The following NTN1 variants were observed in gnomAD, a reference collection of about 807,000 sequenced individuals.
The protein encoded by NTN1 is netrin 1.
Under a neutral mutation model 54.2 loss-of-function variants are expected in NTN1, and 11 were observed. The observed-to-expected ratio is 0.20, with a 90% CI of 0.13 to 0.34. NTN1 has a LOEUF of 0.34. NTN1 is among the 10% of genes least tolerant of loss of function. The pLI, the probability that NTN1 is intolerant of heterozygous loss-of-function variation, is 1.00. For synonymous variants in NTN1, 371 were observed against 382.0 expected (o/e 0.97, Z 0.33); for missense variants, 740 against 893.1 (o/e 0.83, Z 2.18).
rs555408234 is a variant in NTN1, at chr17:9,077,423, A to G, written c.1018+54032A>G. 2.0e-5 allele frequency among the ~76,000 whole-genome samples: 3 copies of G among 152,282 alleles called. 1 individual carries two copies. The East Asian group carries it at 5.8e-4, about 29-fold the overall frequency. On this transcript the variant is annotated intron_variant, in intron 2 of 6. Transcript: ENST00000173229. ...TGGCTGAGAATCAAAAGCCTTGGCTACCAATCCAGGCCATATACCATCAGC... is the reference window on the plus strand; with the variant it reads ...TGGCTGAGAATCAAAAGCCTTGGCTGCCAATCCAGGCCATATACCATCAGC...
At chr17:9,036,789 C>G (rs2091904911) in intron 2 of NTN1, among the ~76,000 whole-genome samples, 1 of 152,164 alleles carries the variant, frequency 6.6e-6, no homozygotes, top group Non-Finnish European at 1.5e-5. Context: ...ATTCCCTGCT[C>G]AACCAGAAGC....
intron 2 of NTN1, among the ~76,000 whole-genome samples, chr17:9,116,863 C>T (rs578117669): frequency 7.9e-5 from 12 of 152,230 alleles, no homozygotes; most frequent in African/African-American, 2.4e-4. Flanking sequence ...TATGAAAGGA[C>T]GAGTATGGGA....
intron 2 of NTN1, among the ~76,000 whole-genome samples, chr17:9,114,164 A>ATATATATATATATATATATATATATAT (rs1404097905): frequency 7.5e-5 from 6 of 80,486 alleles, no homozygotes; most frequent in Non-Finnish European, 1.4e-4. Flanking sequence ...AAAAAAAAAA[A>ATATATATATATATATATATATATATAT]AAATATATAT....
intron 5 of NTN1, among the ~76,000 whole-genome samples, chr17:9,195,705 G>A (rs548221587): frequency 6.6e-6 from 1 of 152,262 alleles, no homozygotes; most frequent in African/African-American, 2.4e-5. Flanking sequence ...CACCTGGCCT[G>A]AGGCCCTCAG....
intron 5 of NTN1, among the ~76,000 whole-genome samples, chr17:9,204,176 G>GTTCCTTCCTTCATTCC (rs1904893166): frequency 8.5e-6 from 1 of 117,420 alleles, no homozygotes; most frequent in East Asian, 2.9e-4. Context: ...CTTAGTAACC[G>GTTCCTTCCTTCATTCC]TTCCTTCCTT....
In NTN1 at chr17:9,029,433, G is replaced by T. The variant is rs190325247; in HGVS notation, c.1018+6042G>T. The stretch of plus-strand genomic sequence containing the variant: ...ATGCAGAGAGAGCAGGGGGTATCAG[G>T]AGCGTTTGCTTGGAAGACTGATCAC... On this transcript the variant is annotated intron_variant, in intron 2 of 6. Coordinates refer to ENST00000173229, the MANE Select transcript of NTN1 (RefSeq NM_004822.3). 2.0e-5 allele frequency among the ~76,000 whole-genome samples: 3 copies of T among 152,284 alleles called. No individual in the cohort carries two copies. In the South Asian group the frequency reaches 6.2e-4, roughly 32 times the overall value.
chr17:9,129,882 A>C (rs1477066314), intron 2 of NTN1, among the ~76,000 whole-genome samples: 4 of 152,214 alleles, frequency 2.6e-5, no homozygotes, highest in African/African-American at 9.6e-5. Context: ...GATGAAATAC[A>C]GAAAATCTCA....
intron 2 of NTN1, among the ~76,000 whole-genome samples, chr17:9,033,549 A>G (rs1209680923): frequency 3.9e-5 from 6 of 152,202 alleles, no homozygotes; most frequent in African/African-American, 1.2e-4. Context: ...AGACGGGAGG[A>G]TTGCTTGAGC....
chr17:9,186,957 A>C (rs1275310468), intron 5 of NTN1, among the ~76,000 whole-genome samples: 2 of 152,156 alleles, frequency 1.3e-5, no homozygotes, highest in Non-Finnish European at 2.9e-5. Flanking sequence ...AAAGGGCACT[A>C]AAATGGGCAC....
At chr17:9,061,776 T>A (rs2091999412) in intron 2 of NTN1, among the ~76,000 whole-genome samples, 1 of 152,166 alleles carries the variant, frequency 6.6e-6, no homozygotes, top group Non-Finnish European at 1.5e-5. Context: ...TGGTCTTGGC[T>A]CACTGAAACC....
intron 3 of NTN1, among the ~76,000 whole-genome samples, chr17:9,166,470 T>C (rs2092373748): frequency 6.6e-6 from 1 of 151,086 alleles, no homozygotes; most frequent in Non-Finnish European, 1.5e-5. Flanking sequence ...GCCTCCAGAG[T>C]AGCTGGGATT....
the NTN1 span, among the ~76,000 whole-genome samples, chr17:9,010,005 T>G: frequency 2.0e-5 from 3 of 152,214 alleles, no homozygotes; most frequent in Non-Finnish European, 1.5e-5. Flanking sequence ...CTAACTCTGC[T>G]GGGCTCTCAT....
At chr17:9,023,695 A>C (rs1272754975) in intron 2 of NTN1, among the ~76,000 whole-genome samples, 1 of 152,220 alleles carries the variant, frequency 6.6e-6, no homozygotes, top group African/African-American at 2.4e-5. Flanking sequence ...CCAAACGCAA[A>C]CATTCATTGC....
intron 5 of NTN1, among the ~76,000 whole-genome samples, chr17:9,195,066 AT>A (rs550353040): frequency 1.3e-3 from 186 of 148,376 alleles, no homozygotes; most frequent in African/African-American, 4.4e-3. Context: ...CACCTTCCTC[AT>A]TCCCTCATTT....
intron 2 of NTN1, among the ~76,000 whole-genome samples, chr17:9,147,433 T>A (rs1021991768): frequency 6.6e-6 from 1 of 152,074 alleles, no homozygotes; most frequent in Non-Finnish European, 1.5e-5. Flanking sequence ...GAGAATGGCA[T>A]GAACCTGTGG....
chr17:9,073,240 C>T (rs912225025), intron 2 of NTN1, among the ~76,000 whole-genome samples: 4 of 152,128 alleles, frequency 2.6e-5, no homozygotes, highest in East Asian at 1.9e-4. Context: ...GTCTCCTGAG[C>T]GCCGAGACTT....
intron 2 of NTN1, among the ~76,000 whole-genome samples, chr17:9,055,334 G>A (rs1442932536): frequency 6.6e-6 from 1 of 152,180 alleles, no homozygotes; most frequent in African/African-American, 2.4e-5. Flanking sequence ...TGCACCACTG[G>A]ACAATGCTGT....
At chr17:9,193,932 A>AC (rs1567734880) in intron 5 of NTN1, among the ~76,000 whole-genome samples, 8 of 122,146 alleles carry the variant, frequency 6.5e-5, no homozygotes, top group South Asian at 3.0e-4. Flanking sequence ...AAAAAAAAAA[A>AC]AAAAAAAAAA....
chr17:9,186,302 C>T (rs1418324971), intron 5 of NTN1, among the ~76,000 whole-genome samples: 1 of 152,226 alleles, frequency 6.6e-6, no homozygotes, highest in Non-Finnish European at 1.5e-5. Flanking sequence ...CTCACCACTG[C>T]CCATGGGCCT....
Sources: gnomAD v4.1 joint callset for allele counts (sites outside exome capture counted in the v4.1 genomes callset) on GRCh38, gnomAD v4.1.1 for gene constraint, MANE v1.5 for transcripts, NCBI Gene and HGNC (gene_info 2026-07-23, HGNC 2026-07-21) for gene names.